BMPR1B: variants seen among roughly 807,000 people sequenced by gnomAD.
BMPR1B encodes bone morphogenetic protein receptor type 1B, also known as bone morphogenetic protein receptor type-1B.
BMPR1B carries 12 observed loss-of-function variants against 59.1 expected under a neutral mutation model. The observed-to-expected ratio is 0.20, with a 90% CI of 0.13 to 0.33. The LOEUF (loss-of-function observed/expected upper bound fraction) is 0.33. Ranked by LOEUF, BMPR1B falls within the 10% of genes least tolerant of loss-of-function variation. The probability of loss-of-function intolerance (pLI) is 1.00; values close to 1 mark genes in which losing one functional copy is unlikely to be tolerated. For missense variants in BMPR1B, 550 were observed against 610.9 expected (o/e 0.90, Z 1.05); for synonymous variants, 237 against 207.3 (o/e 1.14, Z -1.23).
At chr4:95,016,425 G>A (rs1723594128) in intron 3 of BMPR1B, among the ~76,000 whole-genome samples, 1 of 152,186 alleles carries the variant, frequency 6.6e-6, no homozygotes, top group Non-Finnish European at 1.5e-5. Context: ...AGATTGTAAT[G>A]TCATCATACA....
chr4:95,014,074 C>A (rs932687817), intron 3 of BMPR1B, among the ~76,000 whole-genome samples: 5 of 152,122 alleles, frequency 3.3e-5, no homozygotes, highest in Admixed American at 6.6e-5. Context: ...TTGTTTATTA[C>A]TGTTTATCTG....
intron 2 of BMPR1B, among the ~76,000 whole-genome samples, chr4:94,917,588 G>A (rs1728533334): frequency 6.6e-6 from 1 of 152,184 alleles, no homozygotes; most frequent in Admixed American, 6.5e-5. Flanking sequence ...TAGAATGGTA[G>A]TGTTTACTCA....
intron 2 of BMPR1B, among the ~76,000 whole-genome samples, chr4:94,877,854 AAAT>A (rs1726790463): frequency 3.9e-5 from 6 of 152,196 alleles, no homozygotes; most frequent in Admixed American, 3.3e-4. Flanking sequence ...TTATTAGTGA[AAAT>A]AATCTATGCT....
At chr4:94,840,930 G>C (rs1175004213) in intron 1 of BMPR1B, among the ~76,000 whole-genome samples, 2 of 147,016 alleles carry the variant, frequency 1.4e-5, no homozygotes, top group African/African-American at 5.0e-5. Context: ...GTGATGTACA[G>C]ATGGGTTTTT....
chr4:95,044,664 G>T (rs984778606), intron 3 of BMPR1B, among the ~76,000 whole-genome samples: 3 of 152,212 alleles, frequency 2.0e-5, no homozygotes, highest in Middle Eastern at 3.2e-3. Context: ...TCGTTCAAGG[G>T]AGAAAGGGAT....
chr4:95,103,235 T>TAAA (rs897298877), intron 3 of BMPR1B, among the ~76,000 whole-genome samples: 5 of 151,818 alleles, frequency 3.3e-5, no homozygotes, highest in Admixed American at 1.3e-4. Flanking sequence ...TATCACAGAT[T>TAAA]AAAAAAAATA....
At chr4:95,117,045 A>G (rs1732122234) in intron 6 of BMPR1B, among the ~76,000 whole-genome samples, 1 of 152,196 alleles carries the variant, frequency 6.6e-6, no homozygotes, top group African/African-American at 2.4e-5. Context: ...AAAGTGTATT[A>G]AGGACATAAT....
intron 10 of BMPR1B, among the ~76,000 whole-genome samples, chr4:95,141,829 T>A (rs910307267): frequency 2.0e-5 from 3 of 152,158 alleles, no homozygotes; most frequent in African/African-American, 7.2e-5. Context: ...CAATAAAGAC[T>A]AGGCTGTCAC....
At chr4:94,899,352 A>G (rs1435349272) in intron 2 of BMPR1B, among the ~76,000 whole-genome samples, 3 of 141,506 alleles carry the variant, frequency 2.1e-5, no homozygotes, top group Non-Finnish European at 4.6e-5. Flanking sequence ...GGCCACTACA[A>G]CTTTTCAGGC....
At chr4:94,828,838 C>G (rs1228163321) in intron 1 of BMPR1B, among the ~76,000 whole-genome samples, 1 of 152,106 alleles carries the variant, frequency 6.6e-6, no homozygotes, top group African/African-American at 2.4e-5. Flanking sequence ...GTGAGAACCA[C>G]TGCACTAGGG....
chr4:95,044,250 A>G (rs910725854), intron 3 of BMPR1B, among the ~76,000 whole-genome samples: 4 of 152,162 alleles, frequency 2.6e-5, no homozygotes, highest in Non-Finnish European at 2.9e-5. Flanking sequence ...TTTAATAACA[A>G]TGGTCTCCCC....
In BMPR1B at chr4:95,155,443, G is replaced by A. The variant is rs1341792099; in HGVS notation, c.*770G>A. 2 of 129,788 alleles carry A rather than the reference G, an allele frequency of 1.5e-5. No individual in the cohort carries two copies. Among genetic ancestry groups the A allele is most frequent in the African/African-American group, 2.9e-5 (1 of 33,932 alleles). The allele number at this position is 129,788 out of a possible 1,614,324, so 8.0% of individuals were successfully genotyped here. A position where few individuals can be genotyped will look rare whatever the true frequency, so the allele number is the denominator to read the frequency against. ...TGATTGAGTTAGGCATCTCTTTCATGGTAAAACCCTTTTCATTAAACACAA... is the reference window on the plus strand; with the variant it reads ...TGATTGAGTTAGGCATCTCTTTCATAGTAAAACCCTTTTCATTAAACACAA... On this transcript the variant is annotated 3_prime_UTR_variant, in exon 13 of 13. Transcript: ENST00000515059.
chr4:94,835,806 T>A (rs1385760901), intron 1 of BMPR1B, among the ~76,000 whole-genome samples: 1 of 152,014 alleles, frequency 6.6e-6, no homozygotes, highest in African/African-American at 2.4e-5. Context: ...ATGTGCACAT[T>A]GTGCAGGTTA....
chr4:94,964,570 G>T (rs190803320), intron 2 of BMPR1B, among the ~76,000 whole-genome samples: 73 of 152,208 alleles, frequency 4.8e-4, no homozygotes, highest in Admixed American at 4.8e-3. Context: ...AACACAGAAA[G>T]AATCTTTCTT....
rs76696414 is a variant in BMPR1B, at chr4:95,115,349, C to A, written c.247-336C>A. Among the ~76,000 whole-genome samples, 2,623 of 152,160 alleles carry A rather than the reference C, an allele frequency of 0.017. 77 individuals are homozygous for A. Among genetic ancestry groups the A allele is most frequent in the African/African-American group, 0.06 (2,490 of 41,520 alleles). ...AAATCAAATATTATTTTTATTTTTG[C>A]TGTTAACGTCTTGTTTAGTGTCGCA... is the stretch of plus-strand genomic sequence containing the variant. On this transcript the variant is annotated intron_variant, in intron 5 of 12. Coordinates refer to ENST00000515059, the MANE Select transcript of BMPR1B (RefSeq NM_001203.3).
chr4:94,861,565 G>C (rs1725978212), intron 1 of BMPR1B, among the ~76,000 whole-genome samples: 1 of 152,042 alleles, frequency 6.6e-6, no homozygotes, highest in Admixed American at 6.6e-5. Context: ...AGCCTCCTAT[G>C]TTATCTTTCT....
chr4:94,869,758 A>G lies in BMPR1B; in HGVS notation c.-182-6073A>G, dbSNP rs1236252580. ...TTATTTTTCCTGAGATCATGTAAGC[A>G]TTTCTTTTAAAAATTTAGTTTTTAT... is the stretch of plus-strand genomic sequence containing the variant. On this transcript the variant is annotated intron_variant, in intron 1 of 12. Transcript: ENST00000515059. Among the ~76,000 whole-genome samples, 5 of 152,270 alleles carry G rather than the reference A, an allele frequency of 3.3e-5. 1 individual carries two copies. Among genetic ancestry groups the G allele is most frequent in the South Asian group, 4.1e-4 (2 of 4,826 alleles).
intron 2 of BMPR1B, among the ~76,000 whole-genome samples, chr4:94,903,548 T>A (rs1202687164): frequency 6.6e-6 from 1 of 151,900 alleles, no homozygotes; most frequent in Non-Finnish European, 1.5e-5. Flanking sequence ...TCTTTTAAGA[T>A]GTTTCTGTGG....
chr4:94,982,404 C>T (rs1245455917), intron 2 of BMPR1B, among the ~76,000 whole-genome samples: 2 of 152,048 alleles, frequency 1.3e-5, no homozygotes, highest in African/African-American at 2.4e-5. Context: ...CCAAAGGCTG[C>T]TTATGTAATT....
Sources: allele counts gnomAD v4.1 joint callset (sites outside exome capture counted in the v4.1 genomes callset), GRCh38; gene constraint gnomAD v4.1.1; transcripts MANE v1.5; gene names NCBI Gene and HGNC (gene_info 2026-07-23, HGNC 2026-07-21).